Variants in GTF2H5 observed in about 807,000 individuals in gnomAD.
GTF2H5 encodes the protein TFB5 ortholog.
Under a neutral mutation model 7.1 loss-of-function variants are expected in GTF2H5, and 5 were observed. The ratio of observed to expected loss-of-function variants is 0.71; its 90% CI spans 0.37 to 1.49. GTF2H5 has a LOEUF of 1.49. Among genes scored for constraint, GTF2H5 ranks in the 40% most tolerant of loss-of-function variants. The pLI is 0.03. For synonymous variants in GTF2H5, 30 were observed against 31.7 expected (o/e 0.95, Z 0.18); for missense variants, 80 against 83.0 (o/e 0.96, Z 0.14).
intron 2 of GTF2H5, among the ~76,000 whole-genome samples, chr6:158,184,772 A>G (rs1271421066): frequency 6.6e-6 from 1 of 152,232 alleles, no homozygotes; most frequent in Non-Finnish European, 1.5e-5. Flanking sequence ...TGACTAAGCC[A>G]AGATTGTTCT....
chr6:158,179,691 G>A (rs934926546), intron 2 of GTF2H5, among the ~76,000 whole-genome samples: 1 of 152,146 alleles, frequency 6.6e-6, no homozygotes, highest in Non-Finnish European at 1.5e-5. Flanking sequence ...CATTGATTTT[G>A]TATCCTGAAA....
chr6:158,182,393 C>T (rs1440921716), intron 2 of GTF2H5, among the ~76,000 whole-genome samples: 1 of 152,148 alleles, frequency 6.6e-6, no homozygotes, highest in Non-Finnish European at 1.5e-5. Flanking sequence ...GTGGTGTTCT[C>T]TGTATTTCCC....
Position 158,170,487 on chromosome 6 carries a change from G to C in GTF2H5, c.-17G>C. 6.2e-7 allele frequency: 1 copy of C among 1,602,358 alleles called. No homozygotes were observed. Among genetic ancestry groups the C allele is most frequent in the African/African-American group, 1.3e-5 (1 of 74,798 alleles). On this transcript the variant is annotated 5_prime_UTR_variant, in exon 2 of 3. Coordinates refer to ENST00000607778, the MANE Select transcript of GTF2H5 (RefSeq NM_207118.3). ...TTTATTAGCATTCTTCAGGTCATCT[G>C]AACCTTCTGAGAAAACATGGTCAAC...
intron 1 of GTF2H5, among the ~76,000 whole-genome samples, chr6:158,169,686 A>ATATATAATATATTGTATATTATATAT (rs1785787055): frequency 3.4e-5 from 1 of 29,760 alleles, no homozygotes; most frequent in Non-Finnish European, 5.0e-5. Flanking sequence ...ATAATATATA[A>ATATATAATATATTGTATATTATATAT]TATATATTAT....
At chr6:158,170,693 G>T (rs1211152518) in intron 2 of GTF2H5, among the ~76,000 whole-genome samples, 155 bp downstream of exon 2, 1 of 152,206 alleles carries the variant, frequency 6.6e-6, no homozygotes, top group East Asian at 1.9e-4. Context: ...AAAGCTCCTG[G>T]TGCCAGATTT....
intron 1 of GTF2H5, among the ~76,000 whole-genome samples, chr6:158,169,770 A>ATTG (rs1562469503): frequency 0.01 from 753 of 73,744 alleles, 20 homozygotes; most frequent in East Asian, 0.023. Flanking sequence ...TATATTATAT[A>ATTG]TAATATATTG....
At chr6:158,184,879 T>G (rs1394810087) in intron 2 of GTF2H5, among the ~76,000 whole-genome samples, 1 of 152,178 alleles carries the variant, frequency 6.6e-6, no homozygotes, top group African/African-American at 2.4e-5. Context: ...ATAATCCTTT[T>G]CAGAGTCATA....
intron 2 of GTF2H5, among the ~76,000 whole-genome samples, chr6:158,172,181 A>G (rs545316021): frequency 2.8e-4 from 42 of 150,570 alleles, no homozygotes; most frequent in Non-Finnish European, 4.0e-4. Context: ...ATTTATTGGG[A>G]GGAGTGGCAT....
chr6:158,192,208 CTTG>C lies in GTF2H5; in HGVS notation c.*52_*54del, dbSNP rs765887311. ...AATTATAAGCAGCAACTGTGAAAGA[CTTG>C]CCACTCAATATCTTAGGTGACTGAT... On this transcript the variant is annotated 3_prime_UTR_variant, in exon 3 of 3. Coordinates refer to ENST00000607778, the MANE Select transcript of GTF2H5 (RefSeq NM_207118.3). 6 of 1,406,768 alleles carry C rather than the reference CTTG, an allele frequency of 4.3e-6. No individual in the cohort carries two copies. In the East Asian group the frequency reaches 9.1e-5, roughly 21 times the overall value. 87.1% of individuals were successfully genotyped at this position (1,406,768 alleles called of 1,614,324 possible). A position where few individuals can be genotyped will look rare whatever the true frequency, so the allele number is the denominator to read the frequency against.
chr6:158,169,469 G>GTA (rs1271499492), intron 1 of GTF2H5, among the ~76,000 whole-genome samples: 5 of 51,708 alleles, frequency 9.7e-5, no homozygotes, highest in African/African-American at 4.5e-4. Context: ...ATATTATATT[G>GTA]TATATTATAT....
chr6:158,168,576 C>A (rs13194997), intron 1 of GTF2H5, among the ~76,000 whole-genome samples, 181 bp downstream of exon 1: 7 of 152,168 alleles, frequency 4.6e-5, no homozygotes, highest in Non-Finnish European at 7.4e-5. Flanking sequence ...CAGTCCCCCC[C>A]TCGTTTAATC....
In GTF2H5 at chr6:158,193,161, T is replaced by TA. The variant is rs1312342884; in HGVS notation, c.*1005dup. 1 of 148,974 alleles carries TA rather than the reference T, an allele frequency of 6.7e-6. No homozygotes were observed. Among genetic ancestry groups the TA allele is most frequent in the African/African-American group, 2.5e-5 (1 of 40,378 alleles). The allele number at this position is 148,974 out of a possible 1,614,324, so 9.2% of individuals were successfully genotyped here. On this transcript the variant is annotated 3_prime_UTR_variant, in exon 3 of 3. Transcript: ENST00000607778. ...AACCCTGTCTCTACAAAAAAAAAAA[T>TA]ACAAAAATCTGCCTGTTGTCCCAGC...
chr6:158,184,341 A>G (rs1776867325), intron 2 of GTF2H5, among the ~76,000 whole-genome samples: 1 of 152,166 alleles, frequency 6.6e-6, no homozygotes, highest in Non-Finnish European at 1.5e-5. Context: ...GAGTAACTTT[A>G]TACATTATAC....
chr6:158,184,429 T>C (rs2128431025), intron 2 of GTF2H5, among the ~76,000 whole-genome samples: 1 of 152,308 alleles, frequency 6.6e-6, no homozygotes, highest in South Asian at 2.1e-4. Context: ...TGTGTCTTTG[T>C]AACAGTAAAA....
intron 2 of GTF2H5, 138 bp downstream of exon 2, chr6:158,170,676 T>G: frequency 1.4e-6 from 1 of 708,928 alleles, no homozygotes; most frequent in Non-Finnish European, 2.5e-6. Context: ...GGCACAGATT[T>G]TGTTGCAAAG....
intron 2 of GTF2H5, among the ~76,000 whole-genome samples, chr6:158,175,026 G>GTGTGTGTGTGTGTGTGTGTGTGTATATA (rs1562471579): frequency 2.9e-5 from 4 of 140,138 alleles, no homozygotes; most frequent in Non-Finnish European, 6.1e-5. Flanking sequence ...GTGTGTGTGT[G>GTGTGTGTGTGTGTGTGTGTGTGTATATA]TGTGTGTGTG....
chr6:158,191,092 C>A (rs1044008116), intron 2 of GTF2H5, among the ~76,000 whole-genome samples: 1 of 152,174 alleles, frequency 6.6e-6, no homozygotes, highest in African/African-American at 2.4e-5. Flanking sequence ...TTTCCGTAAA[C>A]AATTCTGTTA....
intron 2 of GTF2H5, among the ~76,000 whole-genome samples, chr6:158,172,157 T>G (rs1785866079): frequency 6.6e-6 from 1 of 152,142 alleles, no homozygotes; most frequent in Non-Finnish European, 1.5e-5. Context: ...GTGTTTTAGA[T>G]TCATTCATCT....
intron 2 of GTF2H5, among the ~76,000 whole-genome samples, chr6:158,176,223 TG>T (rs1339232152): frequency 6.6e-6 from 1 of 152,146 alleles, no homozygotes; most frequent in African/African-American, 2.4e-5. Context: ...AGTATAATAT[TG>T]TGTTTGCTTT....
Sources: gnomAD v4.1 joint callset for allele counts (sites outside exome capture counted in the v4.1 genomes callset) on GRCh38, gnomAD v4.1.1 for gene constraint, MANE v1.5 for transcripts, NCBI Gene and HGNC (gene_info 2026-07-23, HGNC 2026-07-21) for gene names.